CTNNA3: variants seen among roughly 807,000 people sequenced by gnomAD.
CTNNA3 encodes catenin alpha-3.
In CTNNA3, 76 loss-of-function variants were observed where a neutral mutation model predicts 95.7. The observed-to-expected ratio is 0.79, with a 90% confidence interval of 0.66 to 0.96. CTNNA3 has a LOEUF of 0.96. CTNNA3 is among the 40% of genes least tolerant of loss of function. The probability of loss-of-function intolerance (pLI) is 0.00; values close to 1 mark genes in which losing one functional copy is unlikely to be tolerated. For synonymous variants in CTNNA3, 431 were observed against 374.4 expected (o/e 1.15, Z -1.74); for missense variants, 1,191 against 1,089.8 (o/e 1.09, Z -1.31).
chr10:66,511,963 G>GAGGT (rs1840677351), intron 11 of CTNNA3, among the ~76,000 whole-genome samples: 1 of 151,828 alleles, frequency 6.6e-6, no homozygotes, highest in African/African-American at 2.4e-5. Context: ...TGAGGAGGGT[G>GAGGT]AGGTGTTAAA....
chr10:67,547,342 C>G (rs192370564), intron 3 of CTNNA3, among the ~76,000 whole-genome samples: 1 of 152,234 alleles, frequency 6.6e-6, no homozygotes, highest in East Asian at 1.9e-4. Context: ...ATCACTCAAT[C>G]ATTTTAAAAT....
At chr10:66,786,087 T>C (rs543497480) in intron 7 of CTNNA3, among the ~76,000 whole-genome samples, 8 of 152,154 alleles carry the variant, frequency 5.3e-5, no homozygotes, top group Non-Finnish European at 8.8e-5. Flanking sequence ...CCACCCTGTC[T>C]TGTTCTATGA....
chr10:65,949,262 C>T (rs1379971077), intron 17 of CTNNA3, among the ~76,000 whole-genome samples: 2 of 152,154 alleles, frequency 1.3e-5, no homozygotes, highest in Non-Finnish European at 2.9e-5. Context: ...TTCACATTTT[C>T]GCTCCATCAG....
At chr10:67,115,002 T>C (rs1344339785) in intron 7 of CTNNA3, among the ~76,000 whole-genome samples, 1 of 152,100 alleles carries the variant, frequency 6.6e-6, no homozygotes, top group Non-Finnish European at 1.5e-5. Flanking sequence ...GAATCCTATA[T>C]AGCATGTCTT....
chr10:67,458,598 G>T (rs1847257484), intron 5 of CTNNA3, among the ~76,000 whole-genome samples: 1 of 152,040 alleles, frequency 6.6e-6, no homozygotes, highest in African/African-American at 2.4e-5. Context: ...AAGAGGACAG[G>T]CCAGGCACGA....
chr10:67,407,312 A>C (rs1056660568), intron 5 of CTNNA3, among the ~76,000 whole-genome samples: 1 of 152,192 alleles, frequency 6.6e-6, no homozygotes, highest in Admixed American at 6.6e-5. Context: ...AACTAAAAAC[A>C]AAAAACACAT....
chr10:67,476,282 T>C (rs915264431), intron 5 of CTNNA3, among the ~76,000 whole-genome samples: 1 of 152,106 alleles, frequency 6.6e-6, no homozygotes, highest in Non-Finnish European at 1.5e-5. Context: ...CTCCAGGCAC[T>C]AAAGCACCTG....
At chr10:66,476,915 G>A (rs970699810) in intron 11 of CTNNA3, among the ~76,000 whole-genome samples, 2 of 151,948 alleles carry the variant, frequency 1.3e-5, no homozygotes, top group Non-Finnish European at 2.9e-5. Flanking sequence ...TTTTTCTCAT[G>A]TCCTCCTAAG....
intron 11 of CTNNA3, among the ~76,000 whole-genome samples, chr10:66,445,123 T>G (rs1320164718): frequency 6.6e-6 from 1 of 152,018 alleles, no homozygotes; most frequent in African/African-American, 2.4e-5. Context: ...AAGAGCTAAC[T>G]ATCCTAAATA....
intron 10 of CTNNA3, among the ~76,000 whole-genome samples, chr10:66,543,457 T>C (rs113712619): frequency 5.9e-4 from 90 of 151,922 alleles, no homozygotes; most frequent in Middle Eastern, 3.4e-3. Flanking sequence ...TTTAATAACA[T>C]GGAAAGGGGT....
At chr10:66,699,330 C>A (rs189089598) in intron 9 of CTNNA3, among the ~76,000 whole-genome samples, 6 of 152,216 alleles carry the variant, frequency 3.9e-5, no homozygotes, top group Admixed American at 3.9e-4. Flanking sequence ...CCATTATCAG[C>A]AACATTGTAC....
In CTNNA3 at chr10:67,395,908, T is replaced by C. The variant is rs189951551; in HGVS notation, c.579+125934A>G. Among the ~76,000 whole-genome samples the C allele has an allele frequency of 1.3e-4, 20 of 152,294 alleles. No homozygotes were observed. The East Asian group carries it at 3.9e-3, about 29-fold the overall frequency. On this transcript the variant is annotated intron_variant, in intron 5 of 17. Coordinates refer to ENST00000433211, the MANE Select transcript of CTNNA3 (RefSeq NM_013266.4). ...AGTTTAATGGCAAAGCCACAAGTCT[T>C]GGTTTCCATTTCAGAGCTCTTTCCA...
At chr10:66,747,671 T>C (rs959708127) in intron 9 of CTNNA3, among the ~76,000 whole-genome samples, 1 of 151,980 alleles carries the variant, frequency 6.6e-6, no homozygotes, top group South Asian at 2.1e-4. Flanking sequence ...GGGAATGTGG[T>C]TTTCATATAC....
At chr10:67,533,938 A>G (rs1840413279) in intron 4 of CTNNA3, among the ~76,000 whole-genome samples, 1 of 152,182 alleles carries the variant, frequency 6.6e-6, no homozygotes, top group Non-Finnish European at 1.5e-5. Context: ...AAAAGTCATA[A>G]GAAGGAAAAT....
rs557184238 is a variant in CTNNA3, at chr10:67,626,628, G to A, written c.100-19579C>T. Among the ~76,000 whole-genome samples the A allele has an allele frequency of 2.0e-5, 3 of 152,168 alleles. No homozygotes were observed. In the South Asian group the frequency reaches 6.2e-4, roughly 32 times the overall value. ...AACAAAAAGGTACCACTGACTCCCT[G>A]TTTTGGGGTTCTCTGTTTTCCTCAT... On this transcript the variant is annotated intron_variant, in intron 2 of 17. Coordinates refer to ENST00000433211, the MANE Select transcript of CTNNA3 (RefSeq NM_013266.4).
chr10:66,833,386 T>C (rs996645292), intron 7 of CTNNA3, among the ~76,000 whole-genome samples: 26 of 152,340 alleles, frequency 1.7e-4, no homozygotes, highest in African/African-American at 6.3e-4. Context: ...ATCTCTATAA[T>C]AAGCATAATT....
At chr10:66,649,292 T>A (rs138692544) in intron 9 of CTNNA3, among the ~76,000 whole-genome samples, 1 of 152,084 alleles carries the variant, frequency 6.6e-6, no homozygotes. Flanking sequence ...CCAGTGCTTA[T>A]CCCCACAGAG....
intron 7 of CTNNA3, among the ~76,000 whole-genome samples, chr10:66,869,934 T>G (rs1464301205): frequency 6.6e-6 from 1 of 152,230 alleles, no homozygotes; most frequent in Non-Finnish European, 1.5e-5. Context: ...TTAACTTACC[T>G]GTAATCATAA....
At chr10:67,518,761 CAAAT>C (rs1327110031) in intron 5 of CTNNA3, among the ~76,000 whole-genome samples, 2 of 151,964 alleles carry the variant, frequency 1.3e-5, no homozygotes, top group Non-Finnish European at 2.9e-5. Context: ...TATAAGCACT[CAAAT>C]TAATACATAA....
Sources: allele counts gnomAD v4.1 joint callset (sites outside exome capture counted in the v4.1 genomes callset), GRCh38; gene constraint gnomAD v4.1.1; transcripts MANE v1.5; gene names NCBI Gene and HGNC (gene_info 2026-07-23, HGNC 2026-07-21).